The following GRIA2 variants were observed in gnomAD, a reference collection of about 807,000 sequenced individuals.
GRIA2 encodes the protein glutamate receptor 2.
A neutral mutation model predicts 97.3 loss-of-function variants in GRIA2; 14 were observed. The ratio of observed to expected loss-of-function variants is 0.14; its 90% CI spans 0.10 to 0.23. The LOEUF (loss-of-function observed/expected upper bound fraction) is 0.23. Among genes scored for constraint, GRIA2 ranks in the 10% least tolerant of loss-of-function variants. GRIA2 has a pLI of 1.00. For synonymous variants in GRIA2, 412 were observed against 387.8 expected, an observed-to-expected ratio of 1.06 and a Z score of -0.73; for missense variants, 558 against 1,069.8, an observed-to-expected ratio of 0.52 and a Z score of 6.67.
At chr4:157,229,713 G>A (rs1444495871) in intron 2 of GRIA2, among the ~76,000 whole-genome samples, 1 of 152,022 alleles carries the variant, frequency 6.6e-6, no homozygotes, top group Non-Finnish European at 1.5e-5. Context: ...AACACAAACT[G>A]GGTTGAATTG....
intron 4 of GRIA2, among the ~76,000 whole-genome samples, chr4:157,316,920 T>A (rs1734349755): frequency 6.6e-6 from 1 of 152,210 alleles, no homozygotes; most frequent in Non-Finnish European, 1.5e-5. Context: ...TACAGATCAT[T>A]CAAAAGTCAA....
chr4:157,299,687 A>T (rs1733528046), intron 2 of GRIA2, among the ~76,000 whole-genome samples: 2 of 152,134 alleles, frequency 1.3e-5, no homozygotes, highest in Admixed American at 1.3e-4. Context: ...ATAAAAAGTG[A>T]AATAATCAGC....
At chr4:157,233,185 A>G (rs1385947401) in intron 2 of GRIA2, among the ~76,000 whole-genome samples, 1 of 152,164 alleles carries the variant, frequency 6.6e-6, no homozygotes, top group Non-Finnish European at 1.5e-5. Context: ...CAAAGAAGAG[A>G]CTAACAAAAT....
intron 15 of GRIA2, 40 bp from the exon 16 acceptor site, chr4:157,363,395 A>G (rs2127005844): frequency 8.3e-7 from 1 of 1,209,294 alleles, no homozygotes; most frequent in East Asian, 3.1e-5. Context: ...ACCATAACGT[A>G]TGATTTCTTT....
chr4:157,241,275 G>A (rs988757841), intron 2 of GRIA2, among the ~76,000 whole-genome samples: 6 of 152,122 alleles, frequency 3.9e-5, no homozygotes, highest in Non-Finnish European at 8.8e-5. Context: ...ATCATCAGAT[G>A]TTGTTTGAGA....
Position 157,221,735 on chromosome 4 carries a change from A to C in GRIA2, c.157A>C (p.Thr53Pro), listed in dbSNP as rs1231064946. ...TCGAGTAGGGATGGTTCAGTTTTCC[A>C]CTTCGGAGTTCAGACTGACACCCCA... Reference protein sequence around the residue: ...AFRVGMVQFSTSEFRLTPHID... With the variant: ...AFRVGMVQFSPSEFRLTPHID... The change falls in exon 2 of 16, where the codon ACT becomes CCT. Residue 53 changes from threonine (T) to proline (P), a missense_variant. Around this residue, in one of 8 missense-constraint regions of GRIA2, gnomAD observed 96 missense variants for 176.6 expected, o/e 0.54. Coordinates refer to ENST00000264426, the MANE Select transcript of GRIA2 (RefSeq NM_001083619.3). The C allele has an allele frequency of 6.2e-7, 1 of 1,613,818 alleles. No individual in the cohort carries two copies. Among genetic ancestry groups the C allele is most frequent in the Admixed American group, 1.7e-5 (1 of 59,994 alleles).
chr4:157,245,064 A>T (rs1225472440), intron 2 of GRIA2, among the ~76,000 whole-genome samples: 2 of 152,002 alleles, frequency 1.3e-5, no homozygotes, highest in Admixed American at 1.3e-4. Flanking sequence ...TATTTTTCTC[A>T]ATTCATTTAT....
intron 12 of GRIA2, among the ~76,000 whole-genome samples, chr4:157,347,307 G>A (rs1275167703): frequency 1.3e-5 from 2 of 152,064 alleles, no homozygotes; most frequent in Non-Finnish European, 1.5e-5. Context: ...AGTATTCTTT[G>A]CCAATGTCAA....
chr4:157,254,771 C>T (rs1190765249), intron 2 of GRIA2, among the ~76,000 whole-genome samples: 1 of 151,954 alleles, frequency 6.6e-6, no homozygotes, highest in Non-Finnish European at 1.5e-5. Context: ...GGGATATTCA[C>T]TTATATGGTC....
intron 2 of GRIA2, among the ~76,000 whole-genome samples, chr4:157,264,780 T>C (rs1453079773): frequency 6.6e-6 from 1 of 152,134 alleles, no homozygotes; most frequent in African/African-American, 2.4e-5. Context: ...TCAGAAGAGC[T>C]ATTCACTTTC....
chr4:157,230,844 C>A (rs1396178020), intron 2 of GRIA2, among the ~76,000 whole-genome samples: 1 of 151,138 alleles, frequency 6.6e-6, no homozygotes, highest in Non-Finnish European at 1.5e-5. Flanking sequence ...ATTTTTTTTC[C>A]TTTTATTTTA....
chr4:157,224,054 A>T (rs565688393), intron 2 of GRIA2, among the ~76,000 whole-genome samples: 2 of 152,304 alleles, frequency 1.3e-5, no homozygotes, highest in South Asian at 4.1e-4. Context: ...GAACACATTC[A>T]TGTAATCAAC....
intron 2 of GRIA2, among the ~76,000 whole-genome samples, chr4:157,248,689 GTATATATACACAAGTA>G (rs1730876473): frequency 8.4e-6 from 1 of 119,514 alleles, no homozygotes; most frequent in African/African-American, 3.1e-5. Context: ...ATATACACGT[GTATATATACACAAGTA>G]TATATATACA....
intron 3 of GRIA2, among the ~76,000 whole-genome samples, chr4:157,308,858 A>G (rs1239600420): frequency 1.3e-5 from 2 of 152,190 alleles, no homozygotes; most frequent in Non-Finnish European, 2.9e-5. Flanking sequence ...TGAAGAGTTT[A>G]ATTTCACTTT....
chr4:157,312,014 T>TA (rs1734104153), intron 3 of GRIA2, among the ~76,000 whole-genome samples: 1 of 151,984 alleles, frequency 6.6e-6, no homozygotes, highest in Non-Finnish European at 1.5e-5. Context: ...GAAAGAGAAG[T>TA]AAATCTATGC....
At chr4:157,265,122 A>G (rs1731712115) in intron 2 of GRIA2, among the ~76,000 whole-genome samples, 2 of 152,120 alleles carry the variant, frequency 1.3e-5, no homozygotes. Context: ...CTTTTCATTT[A>G]TCTATTAATT....
At position 157,336,529 on chromosome 4, in the gene GRIA2, A is replaced by G; in HGVS notation, c.1626A>G (p.Leu542=). The G allele has an allele frequency of 6.2e-7, 1 of 1,613,418 alleles. No individual in the cohort carries two copies. Among genetic ancestry groups the G allele is most frequent in the Non-Finnish European group, 8.5e-7 (1 of 1,179,546 alleles). ...KPGVFSFLDP[L]AYEIWMCIVF... is the part of the protein sequence containing the mutation. ...GAGTGTTTTCCTTTCTTGATCCTTT[A>G]GCCTATGAGATCTGGATGTGCATTG... The change falls in exon 11 of 16, where the codon TTA becomes TTG. Residue 542 remains leucine, a synonymous_variant. Coordinates refer to ENST00000264426, the MANE Select transcript of GRIA2 (RefSeq NM_001083619.3).
At chr4:157,316,606 G>A (rs1435836426) in intron 4 of GRIA2, among the ~76,000 whole-genome samples, 2 of 152,196 alleles carry the variant, frequency 1.3e-5, no homozygotes, top group African/African-American at 2.4e-5. Flanking sequence ...GCCCTAAGGT[G>A]ATGAGAAGAA....
intron 11 of GRIA2, among the ~76,000 whole-genome samples, chr4:157,337,410 G>C (rs572849552): frequency 6.6e-6 from 1 of 151,956 alleles, no homozygotes; most frequent in Non-Finnish European, 1.5e-5. Context: ...CCCTGCACTA[G>C]AATACCTAAT....
Sources: allele counts gnomAD v4.1 joint callset (sites outside exome capture counted in the v4.1 genomes callset), GRCh38; gene constraint gnomAD v4.1.1; regional missense constraint gnomAD v4.1.1; transcripts MANE v1.5; gene names NCBI Gene and HGNC (gene_info 2026-07-23, HGNC 2026-07-21).